The following OR1J2 variants were observed in gnomAD, a reference collection of about 807,000 sequenced individuals.
The protein encoded by OR1J2 is olfactory receptor family 1 subfamily J member 2.
For synonymous variants in OR1J2, 142 were observed against 99.7 expected, an observed-to-expected ratio of 1.42 and a Z score of -2.52; for missense variants, 304 against 246.1, an observed-to-expected ratio of 1.24 and a Z score of -1.57.
At chr9:122,472,831 GC>G in the OR1J2 span, among the ~76,000 whole-genome samples, 1 of 152,132 alleles carries the variant, frequency 6.6e-6, no homozygotes, top group Admixed American at 6.5e-5. Context: ...CCTTTGTGCT[GC>G]CAACCTTAAA....
the OR1J2 span, among the ~76,000 whole-genome samples, chr9:122,491,275 A>G: frequency 3.9e-5 from 6 of 152,196 alleles, no homozygotes; most frequent in Non-Finnish European, 8.8e-5. Flanking sequence ...TGAGGTACCT[A>G]TAGGTCATCC....
At chr9:122,551,829 C>T in the OR1J2 span, among the ~76,000 whole-genome samples, 45,753 of 151,784 alleles carry the variant, frequency 0.3, 7,426 homozygotes, top group East Asian at 0.54. Flanking sequence ...TTCTTATGCC[C>T]GGGGAAGCTG....
the OR1J2 span, among the ~76,000 whole-genome samples, chr9:122,494,382 A>G: frequency 6.6e-6 from 1 of 152,206 alleles, no homozygotes; most frequent in Non-Finnish European, 1.5e-5. Flanking sequence ...GTACATATAC[A>G]TTTAAAATTG....
At chr9:122,500,048 G>A in the OR1J2 span, among the ~76,000 whole-genome samples, 3,682 of 152,300 alleles carry the variant, frequency 0.024, 133 homozygotes, top group African/African-American at 0.083. Context: ...TGTAGAGGTC[G>A]TTACTGTGTT....
the OR1J2 span, chr9:122,520,078 A>C: frequency 1.2e-6 from 2 of 1,605,740 alleles, no homozygotes; most frequent in Non-Finnish European, 1.7e-6. Flanking sequence ...GTCTTATCTC[A>C]ATGACATTTA....
chr9:122,579,013 C>T, the OR1J2 span, among the ~76,000 whole-genome samples: 1 of 151,406 alleles, frequency 6.6e-6, no homozygotes, highest in African/African-American at 2.4e-5. Context: ...CAAACACCAC[C>T]TGTTCCCCAA....
chr9:122,552,092 CAT>C, the OR1J2 span, among the ~76,000 whole-genome samples: 4 of 150,006 alleles, frequency 2.7e-5, no homozygotes, highest in African/African-American at 7.3e-5. Flanking sequence ...CACACACACA[CAT>C]ATACACCTTC....
chr9:122,568,314 T>C, the OR1J2 span: 6 of 1,613,896 alleles, frequency 3.7e-6, no homozygotes, highest in African/African-American at 1.3e-5. Context: ...GGTCTGAAGA[T>C]GGGGGTTGAA....
chr9:122,505,597 G>C, the OR1J2 span, among the ~76,000 whole-genome samples: 1 of 152,058 alleles, frequency 6.6e-6, no homozygotes, highest in Non-Finnish European at 1.5e-5. Flanking sequence ...TGATGTCTTA[G>C]ACCTAGATAT....
chr9:122,491,387 G>T, the OR1J2 span, among the ~76,000 whole-genome samples: 1 of 151,930 alleles, frequency 6.6e-6, no homozygotes, highest in East Asian at 1.9e-4. Flanking sequence ...AACAAATGAG[G>T]TTAGTAAAAG....
At chr9:122,564,050 C>A in the OR1J2 span, among the ~76,000 whole-genome samples, 1 of 152,166 alleles carries the variant, frequency 6.6e-6, no homozygotes, top group African/African-American at 2.4e-5. Flanking sequence ...TGCCTCCTGT[C>A]ATTTCCCAAG....
At chr9:122,510,717 C>G, upstream of OR1J2, 1 of 831,364 alleles carries the variant, frequency 1.2e-6, no homozygotes, top group Non-Finnish European at 1.9e-6. Flanking sequence ...AAACGTACAT[C>G]TTTTAATATG....
chr9:122,558,013 C>G, the OR1J2 span, among the ~76,000 whole-genome samples: 1 of 151,622 alleles, frequency 6.6e-6, no homozygotes, highest in African/African-American at 2.4e-5. Flanking sequence ...TCATGGTATT[C>G]CTTTATTATC....
chr9:122,535,818 T>C, the OR1J2 span, among the ~76,000 whole-genome samples: 1 of 151,918 alleles, frequency 6.6e-6, no homozygotes, highest in Non-Finnish European at 1.5e-5. Context: ...TTCACCTGGG[T>C]GCAGGTGGGC....
At chr9:122,511,764 T>TAGAATCTCA (rs745726507), downstream of OR1J2, 3 of 779,266 alleles carry the variant, frequency 3.8e-6, no homozygotes, top group East Asian at 7.3e-5. Context: ...TTTAAAAAAT[T>TAGAATCTCA]AGAATCTCAT....
At chr9:122,521,539 G>A in the OR1J2 span, among the ~76,000 whole-genome samples, 3 of 152,198 alleles carry the variant, frequency 2.0e-5, no homozygotes, top group African/African-American at 7.2e-5. Context: ...GTCCTTTGTA[G>A]AACAAGAAAG....
chr9:122,526,266 T>C, the OR1J2 span: 1 of 635,202 alleles, frequency 1.6e-6, no homozygotes, highest in South Asian at 4.1e-5. Flanking sequence ...CAGACTACAA[T>C]CTTATGGCTA....
At chr9:122,555,174 A>G in the OR1J2 span, among the ~76,000 whole-genome samples, 15 of 152,228 alleles carry the variant, frequency 9.9e-5, no homozygotes, top group Non-Finnish European at 2.1e-4. Flanking sequence ...AAAAAGAAGC[A>G]CTGAAACAGA....
the OR1J2 span, among the ~76,000 whole-genome samples, chr9:122,495,093 G>A: frequency 2.0e-5 from 3 of 152,122 alleles, no homozygotes; most frequent in African/African-American, 7.2e-5. Flanking sequence ...GTTACCTGAT[G>A]CTGTTGCCTC....
Sources: gnomAD v4.1 joint callset for allele counts (sites outside exome capture counted in the v4.1 genomes callset) on GRCh38, gnomAD v4.1.1 for gene constraint, MANE v1.5 for transcripts, NCBI Gene and HGNC (gene_info 2026-07-23, HGNC 2026-07-21) for gene names.